TLN2: variants seen among roughly 807,000 people sequenced by gnomAD.
TLN2 encodes the protein talin 2.
A neutral mutation model predicts 294.7 loss-of-function variants in TLN2; 118 were observed. That is an observed-to-expected ratio of 0.40 (90% CI 0.34 to 0.47). The LOEUF (loss-of-function observed/expected upper bound fraction) is 0.47. Among genes scored for constraint, TLN2 ranks in the 20% least tolerant of loss-of-function variants. The pLI is 0.84. For synonymous variants in TLN2, 1,431 were observed against 1,304.5 expected (o/e 1.10, Z -2.09); for missense variants, 3,083 against 3,282.2 (o/e 0.94, Z 1.48).
intron 45 of TLN2, among the ~76,000 whole-genome samples, chr15:62,786,432 A>T (rs1595988324): frequency 6.6e-6 from 1 of 152,214 alleles, no homozygotes; most frequent in Non-Finnish European, 1.5e-5. Flanking sequence ...GCCTTTGTTA[A>T]CATCACTTTG....
At chr15:62,714,209 C>CTT (rs5813164) in intron 22 of TLN2, among the ~76,000 whole-genome samples, 1 of 62,286 alleles carries the variant, frequency 1.6e-5, no homozygotes, top group African/African-American at 5.0e-5. Flanking sequence ...TTTTTTTTTT[C>CTT]TTTTTTTTTT....
chr15:62,504,815 T>TGG (rs1481739526), intron 1 of TLN2, among the ~76,000 whole-genome samples: 15 of 114,032 alleles, frequency 1.3e-4, no homozygotes, highest in African/African-American at 4.9e-4. Flanking sequence ...AAGTAGTTGG[T>TGG]GGGGTGTGTG....
intron 1 of TLN2, among the ~76,000 whole-genome samples, chr15:62,489,132 G>T (rs1295401355): frequency 6.6e-6 from 1 of 152,186 alleles, no homozygotes; most frequent in Admixed American, 6.5e-5. Context: ...CTGCACTCCA[G>T]CCTGGGTGAC....
chr15:62,612,176 G>A (rs374979696), intron 2 of TLN2, among the ~76,000 whole-genome samples: 30 of 152,260 alleles, frequency 2.0e-4, no homozygotes, highest in African/African-American at 7.2e-4. Flanking sequence ...TTGAACAATC[G>A]TCCTTCACTC....
intron 2 of TLN2, among the ~76,000 whole-genome samples, chr15:62,607,495 C>T (rs928737270): frequency 2.0e-5 from 3 of 152,170 alleles, no homozygotes; most frequent in Admixed American, 2.0e-4. Context: ...TAGTTGGGAG[C>T]ATATTGGCTG....
At chr15:62,602,626 G>T (rs1196637486) in intron 2 of TLN2, among the ~76,000 whole-genome samples, 1 of 152,192 alleles carries the variant, frequency 6.6e-6, no homozygotes, top group Non-Finnish European at 1.5e-5. Flanking sequence ...GGCCGATTCA[G>T]TGTCTGGTGA....
chr15:62,678,304 C>G (rs1400838710), intron 11 of TLN2, among the ~76,000 whole-genome samples: 2 of 152,010 alleles, frequency 1.3e-5, no homozygotes, highest in Non-Finnish European at 2.9e-5. Context: ...CTAAAAAATT[C>G]AGGAATGAGT....
chr15:62,393,474 A>T (rs539574333), intron 1 of TLN2, among the ~76,000 whole-genome samples: 36 of 152,252 alleles, frequency 2.4e-4, no homozygotes, highest in Non-Finnish European at 4.6e-4. Context: ...GTTATTTTCT[A>T]GTCAATATCT....
intron 1 of TLN2, among the ~76,000 whole-genome samples, chr15:62,541,195 T>C (rs1198885222): frequency 6.6e-6 from 1 of 152,220 alleles, no homozygotes; most frequent in Non-Finnish European, 1.5e-5. Flanking sequence ...CTATTCTCTC[T>C]ACTTTTGTAT....
intron 48 of TLN2, among the ~76,000 whole-genome samples, chr15:62,798,848 T>C (rs1278693537): frequency 6.6e-6 from 1 of 152,240 alleles, no homozygotes; most frequent in Non-Finnish European, 1.5e-5. Flanking sequence ...GTTGGATTTC[T>C]GATAACATCA....
intron 35 of TLN2, 90 bp downstream of exon 35, chr15:62,752,517 G>C: frequency 6.5e-7 from 1 of 1,539,594 alleles, no homozygotes; most frequent in Non-Finnish European, 8.8e-7. Flanking sequence ...CTTTCTCCAA[G>C]TACCACCACA....
rs76701860 is a variant in TLN2 at position 62,550,625 on chromosome 15, G to A, written c.-237-39062G>A. Among the ~76,000 whole-genome samples, 319 of 152,298 alleles carry A rather than the reference G, an allele frequency of 2.1e-3. 6 individuals carry two copies. Among genetic ancestry groups the A allele is most frequent in the East Asian group, 9.5e-3 (49 of 5,178 alleles). ...AAAGGGGGTGTGCAGCATTTATGCA[G>A]TAAGGATATTTGGGGGGTCACTTAA... is the stretch of plus-strand genomic sequence containing the variant. On this transcript the variant is annotated intron_variant, in intron 1 of 58. Transcript: ENST00000636159.
chr15:62,774,723 G>C (rs1018002008), intron 42 of TLN2, among the ~76,000 whole-genome samples: 1 of 152,116 alleles, frequency 6.6e-6, no homozygotes, highest in African/African-American at 2.4e-5. Context: ...TTCATTTCTG[G>C]GATAGCCAAG....
intron 1 of TLN2, among the ~76,000 whole-genome samples, chr15:62,438,551 G>A (rs996841294): frequency 2.0e-5 from 3 of 152,094 alleles, no homozygotes; most frequent in African/African-American, 7.2e-5. Flanking sequence ...CATACAGTTC[G>A]GTGCATAATC....
In TLN2 at chr15:62,714,574, C is replaced by T. The variant is rs1183087946; in HGVS notation, c.2635-1757C>T. 3.3e-5 allele frequency among the ~76,000 whole-genome samples: 5 copies of T among 152,166 alleles called. No homozygotes were observed. In the East Asian group the frequency reaches 9.6e-4, roughly 29 times the overall value. On this transcript the variant is annotated intron_variant, in intron 22 of 58. Coordinates refer to ENST00000636159, the MANE Select transcript of TLN2 (RefSeq NM_015059.3). Reference sequence around the variant, plus strand: ...TTACCAAGTTACCAGAAACTCGTTTCTTCTAAGTATTCATGTGATTTTGGT... The same window carrying T: ...TTACCAAGTTACCAGAAACTCGTTTTTTCTAAGTATTCATGTGATTTTGGT...
chr15:62,474,209 A>G (rs865844635), intron 1 of TLN2, among the ~76,000 whole-genome samples: 28 of 152,370 alleles, frequency 1.8e-4, no homozygotes, highest in African/African-American at 6.7e-4. Context: ...GAGGTTCAGA[A>G]AAGAAATTTC....
At chr15:62,532,005 C>T (rs116701864) in intron 1 of TLN2, among the ~76,000 whole-genome samples, 1,692 of 152,034 alleles carry the variant, frequency 0.011, 37 homozygotes, top group African/African-American at 0.039. Context: ...CTTCAAATAT[C>T]GCACACTGGG....
At chr15:62,482,181 C>G (rs1160799191) in intron 1 of TLN2, among the ~76,000 whole-genome samples, 1 of 152,180 alleles carries the variant, frequency 6.6e-6, no homozygotes. Flanking sequence ...GTGTCCCCCA[C>G]CCCTTGCAAT....
At chr15:62,735,116 G>C (rs551094687) in intron 28 of TLN2, among the ~76,000 whole-genome samples, 1 of 152,342 alleles carries the variant, frequency 6.6e-6, no homozygotes, top group South Asian at 2.1e-4. Flanking sequence ...ACCTCAAAGT[G>C]AGGAAAGCTC....
Sources: allele counts gnomAD v4.1 joint callset (sites outside exome capture counted in the v4.1 genomes callset), GRCh38; gene constraint gnomAD v4.1.1; transcripts MANE v1.5; gene names NCBI Gene and HGNC (gene_info 2026-07-23, HGNC 2026-07-21).